The following PATL1 variants were observed in gnomAD, a reference collection of about 807,000 sequenced individuals.
PATL1 encodes the protein PAT1 homolog 1, processing body mRNA decay factor, also known as protein PAT1 homolog 1.
PATL1 carries 32 observed loss-of-function variants against 100.6 expected under a neutral mutation model. The ratio of observed to expected loss-of-function variants is 0.32; its 90% CI spans 0.24 to 0.43. The LOEUF (loss-of-function observed/expected upper bound fraction) is 0.43. Ranked by LOEUF, PATL1 falls within the 20% of genes least tolerant of loss-of-function variation. PATL1 has a pLI of 1.00. For synonymous variants in PATL1, 332 were observed against 330.0 expected (o/e 1.01, Z -0.07); for missense variants, 747 against 949.9 (o/e 0.79, Z 2.81).
chr11:59,668,848 AG>A, intron 1 of PATL1, 32 bp downstream of exon 1: 2 of 815,930 alleles, frequency 2.5e-6, no homozygotes, highest in Non-Finnish European at 3.6e-6. Context: ...CGCGGGAGGG[AG>A]GGAGGGGTCA....
intron 8 of PATL1, 145 bp from the exon 9 acceptor site, chr11:59,654,217 C>T: frequency 1.5e-6 from 1 of 664,482 alleles, no homozygotes; most frequent in South Asian, 1.8e-5. Flanking sequence ...TGACTCACGC[C>T]TGTAATCCTA....
chr11:59,649,661 T>G, intron 13 of PATL1, 51 bp from the exon 14 acceptor site: 1 of 1,559,028 alleles, frequency 6.4e-7, no homozygotes, highest in Non-Finnish European at 8.7e-7. Context: ...AGAACCACAG[T>G]ATTAGTTAAA....
chr11:59,664,303 G>GA (rs1861660954), intron 2 of PATL1, among the ~76,000 whole-genome samples: 1 of 151,938 alleles, frequency 6.6e-6, no homozygotes, highest in African/African-American at 2.4e-5. Flanking sequence ...CATCTTATGA[G>GA]AAAAAATAGA....
chr11:59,647,477 C>G (rs550491941), intron 15 of PATL1, among the ~76,000 whole-genome samples: 1 of 152,118 alleles, frequency 6.6e-6, no homozygotes, highest in African/African-American at 2.4e-5. Flanking sequence ...GAATTATCTA[C>G]GCAAGTAATT....
At chr11:59,642,073 A>C (rs949983345) in intron 16 of PATL1, among the ~76,000 whole-genome samples, 5 of 152,238 alleles carry the variant, frequency 3.3e-5, no homozygotes, top group African/African-American at 1.2e-4. Context: ...GTACCAGGAC[A>C]ACTCTATGAA....
At chr11:59,641,161 G>A (rs1335478798) in intron 16 of PATL1, among the ~76,000 whole-genome samples, 1 of 150,976 alleles carries the variant, frequency 6.6e-6, no homozygotes, top group South Asian at 2.1e-4. Flanking sequence ...ACAGAGCAAG[G>A]CTCTGTCTCA....
intron 2 of PATL1, among the ~76,000 whole-genome samples, chr11:59,662,871 T>C (rs1228929662): frequency 6.6e-6 from 1 of 152,180 alleles, no homozygotes; most frequent in African/African-American, 2.4e-5. Flanking sequence ...TAATAATATT[T>C]TAAAAATATT....
chr11:59,655,389 T>C (rs1191288311), intron 8 of PATL1, 134 bp downstream of exon 8: 5 of 834,524 alleles, frequency 6.0e-6, no homozygotes, highest in African/African-American at 1.7e-5. Flanking sequence ...AACATTTCCA[T>C]GTTTGCCAAC....
At chr11:59,642,740 G>T (rs34350918) in intron 16 of PATL1, 140 bp downstream of exon 16, 79,323 of 864,424 alleles carry the variant, frequency 0.092, 7,547 homozygotes, top group African/African-American at 0.42. Context: ...ATTTCTAGCC[G>T]GTTACTAGGA....
chr11:59,658,634 T>C (rs1270181389), intron 4 of PATL1, among the ~76,000 whole-genome samples: 1 of 152,136 alleles, frequency 6.6e-6, no homozygotes, highest in Non-Finnish European at 1.5e-5. Context: ...AGATATGACT[T>C]TTTAAGTGAT....
intron 2 of PATL1, among the ~76,000 whole-genome samples, chr11:59,662,680 A>G (rs1381906886): frequency 6.6e-6 from 1 of 152,210 alleles, no homozygotes; most frequent in Non-Finnish European, 1.5e-5. Context: ...GGAATCTATC[A>G]TCCTGAATTG....
rs58965992 is a variant in PATL1 at position 59,653,905 on chromosome 11, A to T, written c.1121+78T>A. 6,689 of 1,314,620 alleles carry T rather than the reference A, an allele frequency of 5.1e-3. 331 individuals carry two copies. In the Admixed American group the frequency reaches 0.096, roughly 19 times the overall value. The allele number at this position is 1,314,620 out of a possible 1,614,324, so 81.4% of individuals were successfully genotyped here. A position where few individuals can be genotyped will look rare whatever the true frequency, so the allele number is the denominator to read the frequency against. ...GTAAACTTACTAAAAAAAACAAAACAACTAAATAGCATGTTGTTACACTGT... is the reference window on the plus strand; with the variant it reads ...GTAAACTTACTAAAAAAAACAAAACTACTAAATAGCATGTTGTTACACTGT... On this transcript the variant is annotated intron_variant, in intron 9 of 18. Transcript: ENST00000300146.
At chr11:59,655,416 A>T in intron 8 of PATL1, 107 bp downstream of exon 8, 2 of 1,051,950 alleles carry the variant, frequency 1.9e-6, no homozygotes, top group Non-Finnish European at 2.7e-6. Flanking sequence ...ATCCAATAAC[A>T]TCTTAAAATT....
intron 16 of PATL1, among the ~76,000 whole-genome samples, chr11:59,640,215 C>A (rs1444238801): frequency 6.6e-6 from 1 of 152,034 alleles, no homozygotes. Flanking sequence ...GTGGCACATG[C>A]CTGTAATCCC....
rs1861217594 is a variant in PATL1, at chr11:59,638,039, G to A, written c.*351C>T. The A allele has an allele frequency of 1.1e-5, 3 of 278,180 alleles. No individual in the cohort carries two copies. The East Asian group carries it at 2.1e-4, about 19-fold the overall frequency. The allele number at this position is 278,180 out of a possible 1,614,324, so 17.2% of individuals were successfully genotyped here. A position where few individuals can be genotyped will look rare whatever the true frequency, so the allele number is the denominator to read the frequency against. ...AATAGGATGAGGGAAGGAATCCTTT[G>A]GCAGGCTACAATCTACTCTGAGGTG... On this transcript the variant is annotated 3_prime_UTR_variant, in exon 19 of 19. Transcript: ENST00000300146.
At chr11:59,645,108 G>C (rs1469655924) in intron 15 of PATL1, among the ~76,000 whole-genome samples, 2 of 139,998 alleles carry the variant, frequency 1.4e-5, no homozygotes, top group African/African-American at 5.3e-5. Flanking sequence ...TAAGGTCACA[G>C]ATCAACAGGA....
rs564953134 is a variant in PATL1 at position 59,642,396 on chromosome 11, G to A, written c.2049+484C>T. Among the ~76,000 whole-genome samples the A allele has an allele frequency of 1.6e-4, 24 of 152,308 alleles. No individual in the cohort carries two copies. In the East Asian group the frequency reaches 4.4e-3, roughly 28 times the overall value. The stretch of plus-strand genomic sequence containing the variant: ...TAAAAGATATTTTCCAGCCTTCCCT[G>A]CACTTAGGTGTGGCCATGTGACAAT... On this transcript the variant is annotated intron_variant, in intron 16 of 18. Transcript: ENST00000300146.
At chr11:59,647,686 G>A (rs1005958516) in intron 15 of PATL1, 68 bp downstream of exon 15, 5 of 1,504,566 alleles carry the variant, frequency 3.3e-6, no homozygotes, top group Admixed American at 3.8e-5. Context: ...AGGAAAATAA[G>A]TTTGCATTCT....
chr11:59,643,663 G>A (rs773680339), intron 15 of PATL1, among the ~76,000 whole-genome samples: 62 of 152,102 alleles, frequency 4.1e-4, no homozygotes, highest in Non-Finnish European at 6.8e-4. Flanking sequence ...CCACATTCCG[G>A]CTTGGGTGAC....
Sources: allele counts gnomAD v4.1 joint callset (sites outside exome capture counted in the v4.1 genomes callset), GRCh38; gene constraint gnomAD v4.1.1; transcripts MANE v1.5; gene names NCBI Gene and HGNC (gene_info 2026-07-23, HGNC 2026-07-21).